ATRNL1: variants seen among roughly 807,000 people sequenced by gnomAD.
The protein encoded by ATRNL1 is attractin-like protein 1.
In ATRNL1, 95 loss-of-function variants were observed where a neutral mutation model predicts 182.7. The observed-to-expected ratio is 0.52, with a 90% confidence interval of 0.44 to 0.62. ATRNL1 has a LOEUF of 0.62. Among genes scored for constraint, ATRNL1 ranks in the 20% least tolerant of loss-of-function variants. ATRNL1 has a pLI of 0.00. For missense variants in ATRNL1, 1,471 were observed against 1,679.5 expected (o/e 0.88, Z 2.17); for synonymous variants, 576 against 568.3 (o/e 1.01, Z -0.19).
At chr10:115,324,780 T>C (rs1854783560) in intron 18 of ATRNL1, among the ~76,000 whole-genome samples, 1 of 152,196 alleles carries the variant, frequency 6.6e-6, no homozygotes, top group Non-Finnish European at 1.5e-5. Flanking sequence ...CTTGCTTCCT[T>C]TAGGATGCCA....
chr10:115,315,506 C>A lies in ATRNL1; in HGVS notation c.2819-12C>A. ...TCATGTTAACATATTTGTCAATGTT[C>A]CTGTCACGCAGCTCAAAATTGTTCT... is the stretch of plus-strand genomic sequence containing the variant. On this transcript the variant is annotated splice_polypyrimidine_tract_variant and intron_variant, in intron 17 of 28. Transcript: ENST00000355044. 6.3e-7 allele frequency: 1 copy of A among 1,582,952 alleles called. No homozygotes were observed. The highest frequency in any genetic ancestry group is 8.7e-7 in the Non-Finnish European group (1 of 1,155,904).
chr10:115,862,638 T>C (rs1301688143), intron 28 of ATRNL1, among the ~76,000 whole-genome samples: 6 of 152,160 alleles, frequency 3.9e-5, no homozygotes, highest in Middle Eastern at 3.2e-3. Flanking sequence ...TGGAGGGGAA[T>C]TTGACAAGAC....
chr10:115,265,394 C>A, intron 11 of ATRNL1, 117 bp downstream of exon 11: 1 of 589,688 alleles, frequency 1.7e-6, no homozygotes. Context: ...GGATTTTATG[C>A]ATCTCTTCTC....
chr10:115,151,617 A>G (rs963793770), intron 5 of ATRNL1, among the ~76,000 whole-genome samples: 3 of 152,172 alleles, frequency 2.0e-5, no homozygotes, highest in African/African-American at 7.2e-5. Context: ...TCTGGATATT[A>G]GCCCTTTGCC....
At chr10:115,830,281 G>T (rs1385040479) in intron 27 of ATRNL1, among the ~76,000 whole-genome samples, 1 of 152,172 alleles carries the variant, frequency 6.6e-6, no homozygotes, top group African/African-American at 2.4e-5. Flanking sequence ...ATTCTTGTTT[G>T]CTCTTTATAA....
chr10:115,270,357 A>G, intron 13 of ATRNL1, among the ~76,000 whole-genome samples: 1 of 26,584 alleles, frequency 3.8e-5, no homozygotes, highest in African/African-American at 1.8e-4. Context: ...AGATATATAA[A>G]CAAATATATA....
At chr10:115,879,948 GAAAT>G in intron 28 of ATRNL1, among the ~76,000 whole-genome samples, 1 of 152,234 alleles carries the variant, frequency 6.6e-6, no homozygotes, top group East Asian at 1.9e-4. Flanking sequence ...CAGGAGCCAG[GAAAT>G]TGTTCAGAAG....
chr10:115,306,963 A>G (rs1196822531), intron 17 of ATRNL1, among the ~76,000 whole-genome samples: 2 of 152,132 alleles, frequency 1.3e-5, no homozygotes, highest in African/African-American at 4.8e-5. Flanking sequence ...AATGATAACT[A>G]AATACCGCTG....
intron 4 of ATRNL1, 135 bp downstream of exon 4, chr10:115,127,856 G>A (rs1302367310): frequency 1.8e-6 from 1 of 550,216 alleles, no homozygotes; most frequent in Admixed American, 3.9e-5. Flanking sequence ...TTAGTAGGCA[G>A]GATCCCTTCT....
chr10:115,211,579 C>A (rs1564823677), intron 8 of ATRNL1, among the ~76,000 whole-genome samples: 1 of 149,838 alleles, frequency 6.7e-6, no homozygotes, highest in Non-Finnish European at 1.5e-5. Context: ...AAGTTTATGT[C>A]TTTTACAAAA....
At chr10:115,543,903 C>G (rs139205801) in intron 25 of ATRNL1, among the ~76,000 whole-genome samples, 1 of 151,916 alleles carries the variant, frequency 6.6e-6, no homozygotes, top group African/African-American at 2.4e-5. Context: ...TTCTTTCTTT[C>G]TTTCTTTGTT....
At chr10:115,099,303 A>G (rs1392972412) in intron 1 of ATRNL1, among the ~76,000 whole-genome samples, 1 of 152,238 alleles carries the variant, frequency 6.6e-6, no homozygotes, top group Non-Finnish European at 1.5e-5. Context: ...GTCTGGATAC[A>G]CCATAATTTG....
intron 19 of ATRNL1, among the ~76,000 whole-genome samples, chr10:115,365,697 T>C (rs1294848370): frequency 6.6e-6 from 1 of 151,920 alleles, no homozygotes; most frequent in Non-Finnish European, 1.5e-5. Flanking sequence ...TTTGAATGCG[T>C]CCCAGAGATT....
chr10:115,286,263 A>G lies in ATRNL1; in HGVS notation c.2281A>G (p.Arg761Gly), dbSNP rs1437494421. The change falls in exon 15 of 29, where the codon AGA becomes GGA. Residue 761 changes from arginine to glycine, a missense_variant. By Grantham distance (125) the Arg-to-Gly change is moderately radical. Transcript: ENST00000355044. ...GWSHIGDACL[R>G]VNSSRENYDN... Reference sequence around the variant, plus strand: ...GAGTCATATTGGGGATGCTTGTCTTAGAGTCAATTCCAGTAGAGAAAACTA... The same window carrying G: ...GAGTCATATTGGGGATGCTTGTCTTGGAGTCAATTCCAGTAGAGAAAACTA... 1.9e-6 allele frequency: 3 copies of G among 1,599,728 alleles called. No homozygotes were observed. Among genetic ancestry groups the G allele is most frequent in the African/African-American group, 2.7e-5 (2 of 74,776 alleles).
chr10:115,150,579 A>T (rs187209852), intron 5 of ATRNL1, among the ~76,000 whole-genome samples: 299 of 151,764 alleles, frequency 2.0e-3, no homozygotes, highest in African/African-American at 6.8e-3. Flanking sequence ...TCTTTAATTT[A>T]TTCTTTAATC....
chr10:115,500,130 C>T (rs10160059), intron 24 of ATRNL1, among the ~76,000 whole-genome samples: 2,169 of 152,168 alleles, frequency 0.014, 47 homozygotes, highest in African/African-American at 0.05. Context: ...ACGTAGGCCA[C>T]AGTACTTTGA....
At chr10:115,165,885 T>C (rs2078263015) in intron 7 of ATRNL1, among the ~76,000 whole-genome samples, 1 of 152,130 alleles carries the variant, frequency 6.6e-6, no homozygotes, top group South Asian at 2.1e-4. Context: ...TTATGCCTAG[T>C]CAATCACTTA....
At chr10:115,851,723 T>C (rs1951061393) in intron 28 of ATRNL1, among the ~76,000 whole-genome samples, 1 of 152,198 alleles carries the variant, frequency 6.6e-6, no homozygotes, top group Admixed American at 6.5e-5. Flanking sequence ...GTAAACCTGC[T>C]GCTTCATTTC....
chr10:115,210,975 T>G (rs1390892722), intron 8 of ATRNL1, among the ~76,000 whole-genome samples: 3 of 151,814 alleles, frequency 2.0e-5, no homozygotes, highest in African/African-American at 7.2e-5. Flanking sequence ...TCATATATTA[T>G]TTATAAACAT....
Sources: allele counts gnomAD v4.1 joint callset (sites outside exome capture counted in the v4.1 genomes callset), GRCh38; gene constraint gnomAD v4.1.1; transcripts MANE v1.5; gene names NCBI Gene and HGNC (gene_info 2026-07-23, HGNC 2026-07-21).